RIMS2: variants seen among roughly 807,000 people sequenced by gnomAD.
RIMS2 encodes the protein regulating synaptic membrane exocytosis 2, also known as regulating synaptic membrane exocytosis protein 2.
In RIMS2, 59 loss-of-function variants were observed where a neutral mutation model predicts 174.4. The observed-to-expected ratio is 0.34, with a 90% CI of 0.27 to 0.42. The LOEUF (loss-of-function observed/expected upper bound fraction) is 0.42. Among genes scored for constraint, RIMS2 ranks in the 10% least tolerant of loss-of-function variants. RIMS2 has a pLI of 1.00. For synonymous variants in RIMS2, 606 were observed against 572.5 expected, an observed-to-expected ratio of 1.06 and a Z score of -0.84; for missense variants, 1,620 against 1,666.3, an observed-to-expected ratio of 0.97 and a Z score of 0.48.
intron 3 of RIMS2, among the ~76,000 whole-genome samples, chr8:103,845,078 C>T (rs2098960773): frequency 6.6e-6 from 1 of 151,914 alleles, no homozygotes; most frequent in South Asian, 2.1e-4. Flanking sequence ...AAAATAAAAT[C>T]TTATATTTTC....
intron 1 of RIMS2, among the ~76,000 whole-genome samples, chr8:103,522,229 A>C (rs1832048996): frequency 6.6e-6 from 1 of 152,164 alleles, no homozygotes; most frequent in Non-Finnish European, 1.5e-5. Flanking sequence ...AACTAATATT[A>C]AGATTTCAGT....
intron 3 of RIMS2, among the ~76,000 whole-genome samples, chr8:103,770,244 G>A (rs931924930): frequency 1.3e-5 from 2 of 152,110 alleles, no homozygotes; most frequent in Admixed American, 6.6e-5. Context: ...CTACAATTCC[G>A]TAGTTGAGTT....
intron 1 of RIMS2, among the ~76,000 whole-genome samples, chr8:103,611,140 GTTTT>G (rs1296997022): frequency 6.6e-6 from 1 of 151,976 alleles, no homozygotes; most frequent in Non-Finnish European, 1.5e-5. Flanking sequence ...GTCCCTGAGG[GTTTT>G]TTGTTTTGTT....
At chr8:104,243,341 A>G (rs142589308) in intron 19 of RIMS2, among the ~76,000 whole-genome samples, 10 of 152,360 alleles carry the variant, frequency 6.6e-5, no homozygotes, top group African/African-American at 2.4e-4. Flanking sequence ...AGACTTGGTG[A>G]AAAGAGATTT....
At chr8:103,652,230 C>T (rs2096464186) in intron 1 of RIMS2, 11 of 1,348,454 alleles carry the variant, frequency 8.2e-6, no homozygotes, top group Non-Finnish European at 1.1e-5. Flanking sequence ...CAAACCACAA[C>T]TGACACAGTA....
chr8:104,245,551 G>A (rs1279087073), intron 20 of RIMS2, among the ~76,000 whole-genome samples: 1 of 152,146 alleles, frequency 6.6e-6, no homozygotes, highest in East Asian at 1.9e-4. Context: ...AAAACTTGGG[G>A]AGCCTTTTAC....
intron 23 of RIMS2, among the ~76,000 whole-genome samples, 165 bp downstream of exon 29, chr8:104,251,328 A>G (rs535099700): frequency 8.0e-4 from 122 of 152,240 alleles, no homozygotes; most frequent in Non-Finnish European, 1.5e-3. Context: ...ATACGTTGTC[A>G]TTTTCTTTAA....
rs192196372 is a variant in RIMS2 at position 103,793,346 on chromosome 8, T to C, written c.698+26809T>C. 1.6e-4 allele frequency among the ~76,000 whole-genome samples: 25 copies of C among 152,202 alleles called. No individual in the cohort carries two copies. In the East Asian group the frequency reaches 2.5e-3, roughly 15 times the overall value. Reference sequence around the variant, plus strand: ...GACAAAAACCACATGATTATCTCAATAGATGCAGAAAAGGCCTTCGAGAAA... The same window carrying C: ...GACAAAAACCACATGATTATCTCAACAGATGCAGAAAAGGCCTTCGAGAAA... On this transcript the variant is annotated intron_variant, in intron 3 of 23. Coordinates refer to ENST00000504942, the Ensembl canonical transcript of RIMS2.
chr8:103,753,035 A>C (rs2097915445), intron 2 of RIMS2, among the ~76,000 whole-genome samples: 1 of 151,962 alleles, frequency 6.6e-6, no homozygotes, highest in Admixed American at 6.6e-5. Context: ...GAATGCTTCC[A>C]GTTTTTGCCC....
At chr8:103,910,209 A>T (rs763946460) in intron 5 of RIMS2, 112 bp from the exon 8 acceptor site, 2 of 1,590,506 alleles carry the variant, frequency 1.3e-6, no homozygotes, top group Non-Finnish European at 1.7e-6. Flanking sequence ...TTGGTGAGAC[A>T]TGTGGAGCCT....
chr8:103,850,950 C>T (rs1228040728), intron 3 of RIMS2, among the ~76,000 whole-genome samples: 1 of 151,878 alleles, frequency 6.6e-6, no homozygotes, highest in African/African-American at 2.4e-5. Flanking sequence ...GTGGGGAGAG[C>T]TTTTTATAAC....
intron 15 of RIMS2, among the ~76,000 whole-genome samples, chr8:103,968,428 T>A (rs1231118667): frequency 6.6e-6 from 1 of 152,062 alleles, no homozygotes; most frequent in South Asian, 2.1e-4. Flanking sequence ...GTTTTTTTTT[T>A]AATTGAGCAT....
intron 1 of RIMS2, among the ~76,000 whole-genome samples, chr8:103,605,689 A>G (rs1385164605): frequency 6.6e-6 from 1 of 152,066 alleles, no homozygotes; most frequent in Non-Finnish European, 1.5e-5. Context: ...CCTGTTATTG[A>G]TCTGTTCAGA....
intron 15 of RIMS2, among the ~76,000 whole-genome samples, chr8:103,971,405 TCTTTATAAATGA>T (rs2092857384): frequency 1.3e-5 from 2 of 152,186 alleles, no homozygotes; most frequent in Non-Finnish European, 2.9e-5. Flanking sequence ...AATGATGATC[TCTTTATAAATGA>T]CTTTCAAATG....
At chr8:103,698,476 G>A (rs939921498) in intron 2 of RIMS2, among the ~76,000 whole-genome samples, 2 of 151,954 alleles carry the variant, frequency 1.3e-5, no homozygotes, top group Non-Finnish European at 2.9e-5. Context: ...TGCCAAATGT[G>A]TTTTCTCTAT....
At chr8:103,601,767 G>C (rs1487799177) in intron 1 of RIMS2, among the ~76,000 whole-genome samples, 2 of 151,202 alleles carry the variant, frequency 1.3e-5, no homozygotes, top group African/African-American at 4.9e-5. Context: ...GATTTCCTCT[G>C]GTTTTATGAT....
intron 19 of RIMS2, among the ~76,000 whole-genome samples, chr8:104,155,595 A>G (rs2098718615): frequency 6.7e-6 from 1 of 148,710 alleles, no homozygotes; most frequent in South Asian, 2.1e-4. Flanking sequence ...TTGTATTTTT[A>G]GTGGAGATGG....
chr8:104,100,674 A>T (rs1253215683), intron 19 of RIMS2, among the ~76,000 whole-genome samples: 1 of 151,296 alleles, frequency 6.6e-6, no homozygotes, highest in Non-Finnish European at 1.5e-5. Flanking sequence ...TCTCTTAAAG[A>T]ACGGATATAG....
intron 16 of RIMS2, among the ~76,000 whole-genome samples, chr8:103,982,907 C>T (rs999834295): frequency 1.3e-5 from 2 of 152,146 alleles, no homozygotes; most frequent in African/African-American, 4.8e-5. Context: ...CTAGTGCAAT[C>T]AGCCAAGAGA....
Sources: gnomAD v4.1 joint callset for allele counts (sites outside exome capture counted in the v4.1 genomes callset) on GRCh38, gnomAD v4.1.1 for gene constraint, MANE v1.5 for transcripts, NCBI Gene and HGNC (gene_info 2026-07-23, HGNC 2026-07-21) for gene names.